Variants in FRS2 observed in about 807,000 individuals in gnomAD.
FRS2 encodes the protein FGFR signalling adaptor.
Under a neutral mutation model 43.9 loss-of-function variants are expected in FRS2, and 8 were observed. The observed-to-expected ratio is 0.18, with a 90% CI of 0.11 to 0.33. The LOEUF (loss-of-function observed/expected upper bound fraction) is 0.33. Ranked by LOEUF, FRS2 falls within the 10% of genes least tolerant of loss-of-function variation. FRS2 has a pLI of 1.00. For synonymous variants in FRS2, 219 were observed against 220.3 expected (o/e 0.99, Z 0.05); for missense variants, 534 against 627.6 (o/e 0.85, Z 1.59).
chr12:69,541,419 A>G (rs1877890591), intron 3 of FRS2, among the ~76,000 whole-genome samples: 1 of 152,204 alleles, frequency 6.6e-6, no homozygotes, highest in Non-Finnish European at 1.5e-5. Flanking sequence ...AGAATGTATA[A>G]TTTAACTGAA....
intron 7 of FRS2, among the ~76,000 whole-genome samples, 180 bp downstream of exon 7, chr12:69,571,614 C>G (rs1196499840): frequency 1.3e-5 from 2 of 152,198 alleles, no homozygotes; most frequent in African/African-American, 4.8e-5. Flanking sequence ...GTAATCCCAG[C>G]ACTTTGGGAG....
At chr12:69,573,890 G>A (rs912209530) in intron 8 of FRS2, 115 bp from the exon 9 acceptor site, 4 of 634,832 alleles carry the variant, frequency 6.3e-6, no homozygotes, top group African/African-American at 5.5e-5. Context: ...AGTACATTTG[G>A]AGAGAAAGTT....
At chr12:69,554,584 A>G (rs1879182125) in intron 3 of FRS2, among the ~76,000 whole-genome samples, 1 of 152,228 alleles carries the variant, frequency 6.6e-6, no homozygotes, top group Non-Finnish European at 1.5e-5. Flanking sequence ...ATTTGTCAAA[A>G]CTAAGAAATT....
At chr12:69,509,311 A>T (rs1223798840) in intron 1 of FRS2, among the ~76,000 whole-genome samples, 6 of 152,132 alleles carry the variant, frequency 3.9e-5, no homozygotes, top group African/African-American at 1.4e-4. Context: ...GGGGGAGGCC[A>T]CTTATAAGAA....
Position 69,504,718 on chromosome 12 carries a change from C to T in FRS2, c.-260-26147C>T, listed in dbSNP as rs144244164. ...GTGCATTATGATAACTTTAAAAACA[C>T]AAATAACTTTTCCTTCTTTCTCAAA... On this transcript the variant is annotated intron_variant, in intron 1 of 8. Transcript: ENST00000549921. Among the ~76,000 whole-genome samples the T allele has an allele frequency of 1.6e-3, 239 of 152,228 alleles. 2 individuals carry two copies. Among genetic ancestry groups the T allele is most frequent in the African/African-American group, 5.4e-3 (223 of 41,546 alleles).
intron 3 of FRS2, among the ~76,000 whole-genome samples, chr12:69,560,415 ATTG>A (rs1879787483): frequency 1.3e-5 from 2 of 152,180 alleles, no homozygotes; most frequent in Non-Finnish European, 2.9e-5. Context: ...ATAACAAAGT[ATTG>A]TTGTTTTCAC....
At chr12:69,518,669 G>A in intron 1 of FRS2, among the ~76,000 whole-genome samples, 1 of 151,160 alleles carries the variant, frequency 6.6e-6, no homozygotes, top group East Asian at 1.9e-4. Context: ...AGCAGAGATG[G>A]CGCCACTGCA....
At chr12:69,470,885 G>A (rs1238878438) in intron 1 of FRS2, among the ~76,000 whole-genome samples, 1 of 152,164 alleles carries the variant, frequency 6.6e-6, no homozygotes, top group Admixed American at 6.5e-5. Context: ...GCCTGGGGTA[G>A]TAGCTGGACA....
intron 1 of FRS2, among the ~76,000 whole-genome samples, chr12:69,500,073 T>G (rs1873298439): frequency 6.6e-6 from 1 of 152,184 alleles, no homozygotes; most frequent in African/African-American, 2.4e-5. Flanking sequence ...AATTTTATAT[T>G]GGTACCGTAA....
At chr12:69,491,386 C>T (rs907601360) in intron 1 of FRS2, among the ~76,000 whole-genome samples, 1 of 152,084 alleles carries the variant, frequency 6.6e-6, no homozygotes, top group African/African-American at 2.4e-5. Flanking sequence ...CGTGAACTAC[C>T]GCGCCTGGCC....
chr12:69,562,022 T>A (rs1337902408), intron 3 of FRS2, 158 bp from the exon 4 acceptor site: 2 of 376,354 alleles, frequency 5.3e-6, no homozygotes, highest in African/African-American at 4.2e-5. Flanking sequence ...TATTACTTTT[T>A]AAAATTGATG....
intron 4 of FRS2, among the ~76,000 whole-genome samples, chr12:69,563,530 A>AGGGG (rs1197242271): frequency 6.6e-6 from 1 of 152,106 alleles, no homozygotes; most frequent in South Asian, 2.1e-4. Context: ...TATTGCCAAC[A>AGGGG]TACTTTAGTA....
chr12:69,532,415 G>A (rs529612454), intron 3 of FRS2, among the ~76,000 whole-genome samples: 3 of 152,164 alleles, frequency 2.0e-5, no homozygotes, highest in Non-Finnish European at 4.4e-5. Flanking sequence ...GAGGAGTAGA[G>A]GGTTCATAGG....
intron 1 of FRS2, among the ~76,000 whole-genome samples, chr12:69,524,225 G>T (rs1345430485): frequency 6.6e-6 from 1 of 152,114 alleles, no homozygotes; most frequent in Non-Finnish European, 1.5e-5. Flanking sequence ...GTGGTGGTAT[G>T]GTGGGGGATA....
At chr12:69,489,638 C>T (rs1212873020) in intron 1 of FRS2, among the ~76,000 whole-genome samples, 1 of 150,818 alleles carries the variant, frequency 6.6e-6, no homozygotes, top group Non-Finnish European at 1.5e-5. Flanking sequence ...CCACTGCACT[C>T]CAGCCTGGGG....
chr12:69,529,809 C>T (rs1423931421), intron 1 of FRS2, among the ~76,000 whole-genome samples: 2 of 152,056 alleles, frequency 1.3e-5, no homozygotes, highest in Admixed American at 6.5e-5. Context: ...CCTGTAATTC[C>T]AGCACTTTGG....
intron 1 of FRS2, among the ~76,000 whole-genome samples, chr12:69,480,644 A>C (rs973803386): frequency 2.6e-5 from 4 of 152,170 alleles, no homozygotes; most frequent in Admixed American, 2.0e-4. Context: ...GGGTTTTTAA[A>C]AATTTCATTT....
chr12:69,470,483 CG>C lies in FRS2; in HGVS notation c.-307del. 2.5e-6 allele frequency: 1 copy of C among 398,624 alleles called. No homozygotes were observed. Among genetic ancestry groups the C allele is most frequent in the East Asian group, 3.6e-5 (1 of 28,068 alleles). The allele number at this position is 398,624 out of a possible 1,614,324, so 24.7% of individuals were successfully genotyped here. ...CAGCGCGGGTCGGAGTCTGGGGGTT[CG>C]CGCCCGCCGACCCGCGCCCTGCTCC... On this transcript the variant is annotated 5_prime_UTR_variant, in exon 1 of 9. Coordinates refer to ENST00000549921, the MANE Select transcript of FRS2 (RefSeq NM_001278356.2).
intron 1 of FRS2, among the ~76,000 whole-genome samples, chr12:69,506,545 A>C (rs1011127141): frequency 6.6e-6 from 1 of 152,082 alleles, no homozygotes; most frequent in Non-Finnish European, 1.5e-5. Context: ...ATCCAGAGAG[A>C]GAGAGTACTC....
Sources: gnomAD v4.1 joint callset for allele counts (sites outside exome capture counted in the v4.1 genomes callset) on GRCh38, gnomAD v4.1.1 for gene constraint, MANE v1.5 for transcripts, NCBI Gene and HGNC (gene_info 2026-07-23, HGNC 2026-07-21) for gene names.